NTSR1: variants seen among roughly 807,000 people sequenced by gnomAD.
NTSR1 encodes neurotensin receptor type 1.
A neutral mutation model predicts 31.2 loss-of-function variants in NTSR1; 29 were observed. That is an observed-to-expected ratio of 0.93 (90% CI 0.69 to 1.27). The LOEUF (loss-of-function observed/expected upper bound fraction) is 1.27, where lower values mean the gene tolerates loss of function less well. Among genes scored for constraint, NTSR1 ranks in the 50% most tolerant of loss-of-function variants. NTSR1 has a pLI of 0.00. For synonymous variants in NTSR1, 282 were observed against 269.9 expected (o/e 1.04, Z -0.44); for missense variants, 697 against 595.4 (o/e 1.17, Z -1.78).
At position 62,744,167 on chromosome 20, in the gene NTSR1, T is replaced by C. The variant is rs748251700; in HGVS notation, c.715-10518T>C. ...ATCCCAGCCTCCCAAGCCGCAGTCC[T>C]GTGCCCCCCAATTTGCTTCCTTTCC... is the stretch of plus-strand genomic sequence containing the variant. On this transcript the variant is annotated intron_variant, in intron 1 of 3. Transcript: ENST00000370501. This position sits in a 1 kb window ranked among gnomAD's most constrained non-coding sequence, Gnocchi z 4.1. Among the ~76,000 whole-genome samples the C allele has an allele frequency of 3.3e-5, 5 of 152,200 alleles. No individual in the cohort carries two copies. Among genetic ancestry groups the C allele is most frequent in the Non-Finnish European group, 5.9e-5 (4 of 68,042 alleles).
At chr20:62,759,950 G>T in intron 3 of NTSR1, 68 bp from the exon 4 acceptor site, 1 of 1,545,816 alleles carries the variant, frequency 6.5e-7, no homozygotes, top group Non-Finnish European at 8.9e-7. Flanking sequence ...CTGTGGCCCC[G>T]GCTGTCACCC....
Position 62,760,346 on chromosome 20 carries a change from G to C in NTSR1, c.*79G>C. The C allele has an allele frequency of 1.3e-6, 2 of 1,508,300 alleles. No individual in the cohort carries two copies. Among genetic ancestry groups the C allele is most frequent in the Non-Finnish European group, 1.8e-6 (2 of 1,128,114 alleles). The allele number at this position is 1,508,300 out of a possible 1,614,324, so 93.4% of individuals were successfully genotyped here. On this transcript the variant is annotated 3_prime_UTR_variant, in exon 4 of 4. Transcript: ENST00000370501. ...CGACAGACAGAGCAGCCCCCACCCG[G>C]GAGCCTTGATGGGGGTCAGGCAGAG...
At chr20:62,725,061 A>G (rs1431063458) in intron 1 of NTSR1, among the ~76,000 whole-genome samples, 1 of 152,238 alleles carries the variant, frequency 6.6e-6, no homozygotes, top group Non-Finnish European at 1.5e-5. Flanking sequence ...CCACAACACC[A>G]CAATTCAAGG....
At chr20:62,710,391 G>A (rs1368458846) in intron 1 of NTSR1, among the ~76,000 whole-genome samples, 3 of 152,214 alleles carry the variant, frequency 2.0e-5, no homozygotes, top group Non-Finnish European at 4.4e-5. Context: ...GCCGTGTTGG[G>A]CCAGTTCCTA....
chr20:62,749,770 C>T (rs1229943669), intron 1 of NTSR1, among the ~76,000 whole-genome samples: 2 of 151,980 alleles, frequency 1.3e-5, no homozygotes, highest in East Asian at 1.9e-4. Flanking sequence ...GTTAGGATGG[C>T]GATCATCAAA....
intron 1 of NTSR1, among the ~76,000 whole-genome samples, chr20:62,748,172 T>C (rs1989334544): frequency 1.7e-5 from 2 of 119,928 alleles, no homozygotes; most frequent in South Asian, 2.6e-4. Flanking sequence ...TGAGAATCTG[T>C]CTCAAAAAAA....
intron 1 of NTSR1, among the ~76,000 whole-genome samples, chr20:62,739,101 G>A (rs913644426): frequency 2.2e-4 from 33 of 152,358 alleles, no homozygotes; most frequent in African/African-American, 7.0e-4. Flanking sequence ...AGGGAGACGC[G>A]TGTGGAACCT....
intron 1 of NTSR1, among the ~76,000 whole-genome samples, chr20:62,712,265 G>A (rs535706567): frequency 1.1e-4 from 17 of 152,310 alleles, no homozygotes; most frequent in African/African-American, 3.6e-4. Flanking sequence ...AAACATCCAC[G>A]GTTTTCAGAT....
rs199556322 is a variant in NTSR1 at position 62,720,606 on chromosome 20, A to AT, written c.714+10693dup. ...CAAGAATGAGCTTTTGATTTCATTG[A>AT]TTTTTTTTCTATTGTCTTTTAGCTT... On this transcript the variant is annotated intron_variant, in intron 1 of 3. Transcript: ENST00000370501. Among the ~76,000 whole-genome samples the AT allele has an allele frequency of 6.6e-5, 10 of 151,470 alleles. 1 individual carries two copies. The highest frequency in any genetic ancestry group is 2.1e-4 in the South Asian group (1 of 4,798).
At chr20:62,716,586 G>A (rs6062953) in intron 1 of NTSR1, among the ~76,000 whole-genome samples, 8,708 of 63,102 alleles carry the variant, frequency 0.14, 464 homozygotes, top group South Asian at 0.3. Flanking sequence ...GGATTTCAGC[G>A]CGTGTTAGTC....
At chr20:62,726,644 G>A (rs1988911110) in intron 1 of NTSR1, among the ~76,000 whole-genome samples, 1 of 151,258 alleles carries the variant, frequency 6.6e-6, no homozygotes, top group South Asian at 2.1e-4. Flanking sequence ...GCAATGAGTC[G>A]TGATGGCACT....
intron 1 of NTSR1, among the ~76,000 whole-genome samples, chr20:62,712,221 C>G (rs1333189386): frequency 6.6e-6 from 1 of 152,210 alleles, no homozygotes; most frequent in Admixed American, 6.5e-5. Flanking sequence ...TTACGGTCCC[C>G]ACGTGGGCTT....
chr20:62,723,990 T>C (rs905349920), intron 1 of NTSR1, among the ~76,000 whole-genome samples: 10 of 151,968 alleles, frequency 6.6e-5, no homozygotes, highest in Non-Finnish European at 1.0e-4. Flanking sequence ...GGGCAAGAGG[T>C]CTGGCAGCTC....
intron 1 of NTSR1, among the ~76,000 whole-genome samples, chr20:62,726,701 A>AAC (rs1442671666): frequency 2.2e-4 from 33 of 152,048 alleles, no homozygotes; most frequent in Non-Finnish European, 3.7e-4. Flanking sequence ...TCTCAAAAAA[A>AAC]AAAAAAAATG....
In NTSR1 at chr20:62,709,248, C is replaced by A; in HGVS notation, c.41C>A (p.Pro14Gln). Reference protein sequence around the residue: ...NSSAPGTPGTPAADPFQRAQA... With the variant: ...NSSAPGTPGTQAADPFQRAQA... ...TCCGCGCCGGGAACCCCGGGCACGC[C>A]GGCCGCCGACCCCTTCCAGCGGGCG... Residue 14 changes from proline (P) to glutamine (Q), a missense_variant, in exon 1 of 4, where the codon CCG (proline) becomes CAG (glutamine). Transcript: ENST00000370501. The A allele has an allele frequency of 6.6e-7, 1 of 1,513,234 alleles. No individual in the cohort carries two copies. Among genetic ancestry groups the A allele is most frequent in the Non-Finnish European group, 8.8e-7 (1 of 1,138,066 alleles). 93.7% of individuals were successfully genotyped at this position (1,513,234 alleles called of 1,614,324 possible).
intron 1 of NTSR1, among the ~76,000 whole-genome samples, chr20:62,717,535 G>A (rs183159999): frequency 2.2e-4 from 34 of 152,308 alleles, no homozygotes; most frequent in Admixed American, 5.9e-4. Context: ...TGGAGGTAGC[G>A]ATTGCCCTGC....
intron 1 of NTSR1, among the ~76,000 whole-genome samples, chr20:62,718,417 T>C (rs1418114735): frequency 6.6e-6 from 1 of 152,182 alleles, no homozygotes; most frequent in Non-Finnish European, 1.5e-5. Flanking sequence ...ACTTCATTTT[T>C]CGACTGACAG....
rs567085587 is a variant in NTSR1, at chr20:62,744,925, T to C, written c.715-9760T>C. Among the ~76,000 whole-genome samples, 13 of 152,202 alleles carry C rather than the reference T, an allele frequency of 8.5e-5. No homozygotes were observed. The East Asian group carries it at 2.5e-3, about 29-fold the overall frequency. Reference sequence around the variant, plus strand: ...GGGCTAGGAGGCAAGGGGTAGCAGCTGAGGGGTGCACACAGCAGAGGATAC... The same window carrying C: ...GGGCTAGGAGGCAAGGGGTAGCAGCCGAGGGGTGCACACAGCAGAGGATAC... On this transcript the variant is annotated intron_variant, in intron 1 of 3. Transcript: ENST00000370501. This position sits in a 1 kb window ranked among gnomAD's most constrained non-coding sequence, Gnocchi z 4.1.
Position 62,709,162 on chromosome 20 carries a change from CCAG to C in NTSR1, c.-44_-42del. 1 of 1,357,216 alleles carries C rather than the reference CCAG, an allele frequency of 7.4e-7. No individual in the cohort carries two copies. Among genetic ancestry groups the C allele is most frequent in the East Asian group, 2.9e-5 (1 of 34,136 alleles). The allele number at this position is 1,357,216 out of a possible 1,614,324, so 84.1% of individuals were successfully genotyped here. A position where few individuals can be genotyped will look rare whatever the true frequency, so the allele number is the denominator to read the frequency against. ...GACGCGCCCACTCCTGCCCGGACTT[CCAG>C]CCCCGGAGGCGCCGGACAGAGCCGC... On this transcript the variant is annotated 5_prime_UTR_variant, in exon 1 of 4. Coordinates refer to ENST00000370501, the MANE Select transcript of NTSR1 (RefSeq NM_002531.3).
Sources: allele counts gnomAD v4.1 joint callset (sites outside exome capture counted in the v4.1 genomes callset), GRCh38; gene constraint gnomAD v4.1.1; non-coding constraint Gnocchi (gnomAD v3.1); transcripts MANE v1.5; gene names NCBI Gene and HGNC (gene_info 2026-07-23, HGNC 2026-07-21).